The following JAM2 variants were observed in gnomAD, a reference collection of about 807,000 sequenced individuals.
JAM2 encodes junctional adhesion molecule B.
In JAM2, 17 loss-of-function variants were observed where a neutral mutation model predicts 42.0. That is an observed-to-expected ratio of 0.40 (90% CI 0.28 to 0.61). JAM2 has a LOEUF of 0.61. Ranked by LOEUF, JAM2 falls within the 20% of genes least tolerant of loss-of-function variation. JAM2 has a pLI of 0.37. For missense variants in JAM2, 319 were observed against 358.3 expected, an observed-to-expected ratio of 0.89 and a Z score of 0.89; for synonymous variants, 118 against 128.6, an observed-to-expected ratio of 0.92 and a Z score of 0.56.
intron 2 of JAM2, among the ~76,000 whole-genome samples, chr21:25,685,820 G>A (rs2033740011): frequency 6.6e-6 from 1 of 152,102 alleles, no homozygotes; most frequent in Non-Finnish European, 1.5e-5. Flanking sequence ...AGTGCGAGAG[G>A]GGTAAATGGA....
chr21:25,690,029 G>A, intron 3 of JAM2, 56 bp downstream of exon 3: 1 of 1,091,470 alleles, frequency 9.2e-7, no homozygotes, highest in South Asian at 1.3e-5. Context: ...GTACAACCAG[G>A]ATCCTTTAAT....
chr21:25,678,713 T>A (rs911286763), intron 1 of JAM2, among the ~76,000 whole-genome samples: 1 of 152,248 alleles, frequency 6.6e-6, no homozygotes, highest in Non-Finnish European at 1.5e-5. Context: ...CCCTATTGAA[T>A]ATGTTTGCCA....
intron 1 of JAM2, among the ~76,000 whole-genome samples, chr21:25,679,435 G>T (rs2033576297): frequency 6.6e-6 from 1 of 152,206 alleles, no homozygotes. Flanking sequence ...TCAACCAGGA[G>T]TGATTTCTTT....
At chr21:25,644,330 G>A (rs1333611083) in intron 1 of JAM2, 2 of 152,208 alleles carry the variant, frequency 1.3e-5, no homozygotes, top group Non-Finnish European at 2.9e-5. Flanking sequence ...TCTGAAACAG[G>A]TCTCACTGGC....
At chr21:25,699,524 C>T (rs2034115180) in intron 5 of JAM2, among the ~76,000 whole-genome samples, 1 of 151,962 alleles carries the variant, frequency 6.6e-6, no homozygotes, top group South Asian at 2.1e-4. Context: ...AGATCAAGAC[C>T]ATCCTGGCTA....
At chr21:25,709,539 G>T in intron 8 of JAM2, 90 bp downstream of exon 8, 1 of 831,724 alleles carries the variant, frequency 1.2e-6, no homozygotes, top group Non-Finnish European at 1.9e-6. Flanking sequence ...AGAGAAGTTG[G>T]GTTATTTGTG....
chr21:25,709,694 TA>T (rs987038466), intron 8 of JAM2: 7 of 338,230 alleles, frequency 2.1e-5, no homozygotes, highest in Non-Finnish European at 2.2e-5. Flanking sequence ...CTGCAAGCTG[TA>T]CAATCCTGGC....
At position 25,706,055 on chromosome 21, in the gene JAM2, A is replaced by G. The variant is rs2034264972; in HGVS notation, c.774A>G (p.Val258=). Residue 258 remains valine (V), a synonymous_variant, in exon 7 of 10, where the codon GTA becomes GTG. Transcript: ENST00000480456. ...ALVISVCGLG[V]CYAQRKGYFS... is the part of the protein sequence containing the mutation. Reference sequence around the variant, plus strand: ...TGATTTCCGTTTGTGGCCTTGGTGTATGCTATGCTCAGAGGAAAGGCTACT... The same window carrying G: ...TGATTTCCGTTTGTGGCCTTGGTGTGTGCTATGCTCAGAGGAAAGGCTACT... 1.9e-6 allele frequency: 3 copies of G among 1,613,202 alleles called. No homozygotes were observed. Among genetic ancestry groups the G allele is most frequent in the Non-Finnish European group, 2.5e-6 (3 of 1,179,266 alleles).
intron 1 of JAM2, among the ~76,000 whole-genome samples, chr21:25,662,114 T>C (rs1043542913): frequency 1.3e-5 from 2 of 152,198 alleles, no homozygotes; most frequent in East Asian, 3.8e-4. Flanking sequence ...ATCAAAAATG[T>C]CAACATATAG....
In JAM2 at chr21:25,683,961, A is replaced by T; in HGVS notation, c.133+13A>T. 1.3e-6 allele frequency: 2 copies of T among 1,532,320 alleles called. No homozygotes were observed. Among genetic ancestry groups the T allele is most frequent in the Non-Finnish European group, 9.0e-7 (1 of 1,116,886 alleles). The allele number at this position is 1,532,320 out of a possible 1,614,324, so 94.9% of individuals were successfully genotyped here. On this transcript the variant is annotated intron_variant, in intron 2 of 9. Coordinates refer to ENST00000480456, the MANE Select transcript of JAM2 (RefSeq NM_021219.4). ...GTAGAGTACCAAGGTACAGTATCTT[A>T]CTGATTTTCACAGGCTGTATTGTTT...
intron 1 of JAM2, among the ~76,000 whole-genome samples, chr21:25,659,937 T>C (rs1210120401): frequency 1.3e-5 from 2 of 152,174 alleles, no homozygotes; most frequent in Non-Finnish European, 2.9e-5. Flanking sequence ...TTGTTGTTTT[T>C]CTGAGATGGA....
chr21:25,663,826 T>C (rs755202800), intron 1 of JAM2, among the ~76,000 whole-genome samples: 1 of 152,192 alleles, frequency 6.6e-6, no homozygotes, highest in Non-Finnish European at 1.5e-5. Context: ...AGGTATTCCA[T>C]TATCAGCAAC....
chr21:25,658,886 G>A (rs560992407), intron 1 of JAM2, among the ~76,000 whole-genome samples: 1 of 152,216 alleles, frequency 6.6e-6, no homozygotes, highest in African/African-American at 2.4e-5. Flanking sequence ...CTTATTCCAA[G>A]GCAGGACTTA....
chr21:25,669,772 C>T (rs967919120), intron 1 of JAM2, among the ~76,000 whole-genome samples: 15 of 152,158 alleles, frequency 9.9e-5, no homozygotes, highest in East Asian at 3.8e-4. Flanking sequence ...GATTCTGTTT[C>T]CATCTATAAT....
intron 7 of JAM2, among the ~76,000 whole-genome samples, chr21:25,708,295 G>A (rs1218256209): frequency 6.6e-6 from 1 of 152,198 alleles, no homozygotes; most frequent in Non-Finnish European, 1.5e-5. Flanking sequence ...TGGGCTGGGT[G>A]TGGTGGCTCA....
intron 3 of JAM2, among the ~76,000 whole-genome samples, chr21:25,690,947 C>T (rs911109401): frequency 3.9e-5 from 6 of 152,022 alleles, no homozygotes; most frequent in Non-Finnish European, 7.4e-5. Context: ...TTATAATGTC[C>T]ATTTGCTTCA....
chr21:25,704,532 A>G (rs1363636356), intron 6 of JAM2, among the ~76,000 whole-genome samples: 6 of 152,224 alleles, frequency 3.9e-5, no homozygotes, highest in East Asian at 1.9e-4. Context: ...GCTTTAAAAT[A>G]TTTAAATTAT....
chr21:25,702,203 G>A lies in JAM2; in HGVS notation c.631G>A (p.Glu211Lys), dbSNP rs1198393844. The change falls in exon 6 of 10, where the codon GAA becomes AAA. Residue 211 changes from glutamate (E) to lysine (K), a missense_variant. Coordinates refer to ENST00000480456, the MANE Select transcript of JAM2 (RefSeq NM_021219.4). Reference protein sequence around the residue: ...FNTVSKLDTGEYSCEARNSVG... With the variant: ...FNTVSKLDTGKYSCEARNSVG... ...TACTGTTTCCAAACTGGACACTGGA[G>A]AATATTCCTGTGAAGCCCGCAATTC... is the stretch of plus-strand genomic sequence containing the variant. The A allele has an allele frequency of 1.3e-6, 2 of 1,595,720 alleles. No homozygotes were observed. The highest frequency in any genetic ancestry group is 2.7e-5 in the African/African-American group (2 of 74,764).
intron 1 of JAM2, among the ~76,000 whole-genome samples, chr21:25,659,591 G>T (rs2033026237): frequency 6.6e-6 from 1 of 152,086 alleles, no homozygotes; most frequent in Non-Finnish European, 1.5e-5. Flanking sequence ...TAGGGTTCAG[G>T]CACTTATAGT....
Sources: gnomAD v4.1 joint callset for allele counts (sites outside exome capture counted in the v4.1 genomes callset) on GRCh38, gnomAD v4.1.1 for gene constraint, MANE v1.5 for transcripts, NCBI Gene and HGNC (gene_info 2026-07-23, HGNC 2026-07-21) for gene names.